SLC35G2: variants seen among roughly 807,000 people sequenced by gnomAD.
SLC35G2 encodes transmembrane protein 22.
SLC35G2 carries 20 observed loss-of-function variants against 27.2 expected under a neutral mutation model. The ratio of observed to expected loss-of-function variants is 0.74; its 90% CI spans 0.52 to 1.07. The LOEUF is 1.07. Ranked by LOEUF, SLC35G2 falls within the 50% of genes least tolerant of loss-of-function variation. The pLI is 0.00. For missense variants in SLC35G2, 416 were observed against 493.3 expected (o/e 0.84, Z 1.48); for synonymous variants, 148 against 165.3 (o/e 0.90, Z 0.80).
At chr3:136,822,216 T>A (rs1936474081) in intron 1 of SLC35G2, among the ~76,000 whole-genome samples, 2 of 152,318 alleles carry the variant, frequency 1.3e-5, no homozygotes, top group South Asian at 4.1e-4. Context: ...TCATTCTTTC[T>A]ACTTTTTGTA....
intron 1 of SLC35G2, among the ~76,000 whole-genome samples, chr3:136,827,512 G>C (rs1466801779): frequency 2.0e-5 from 3 of 152,114 alleles, no homozygotes; most frequent in Non-Finnish European, 4.4e-5. Flanking sequence ...GGTTTGGTTT[G>C]CTCTTGCTTT....
In SLC35G2 at chr3:136,821,608, T is replaced by C. The variant is rs565468125; in HGVS notation, c.-19+1980T>C. On this transcript the variant is annotated intron_variant, in intron 1 of 1. Transcript: ENST00000446465. The stretch of plus-strand genomic sequence containing the variant: ...CACCGCACCCAGCTAGTTTTTATAT[T>C]TTTAGTAGAGACAGGGTTTTACCAT... Among the ~76,000 whole-genome samples the C allele has an allele frequency of 1.9e-3, 282 of 152,278 alleles. 1 individual carries two copies. Among genetic ancestry groups the C allele is most frequent in the African/African-American group, 5.8e-3 (240 of 41,552 alleles).
chr3:136,830,100 ATTTCT>A (rs1936686764), intron 1 of SLC35G2, among the ~76,000 whole-genome samples: 2 of 115,254 alleles, frequency 1.7e-5, no homozygotes, highest in African/African-American at 6.5e-5. Context: ...GACATACATT[ATTTCT>A]TTTTTTTTTT....
chr3:136,845,742 C>T (rs752359225), intron 1 of SLC35G2, among the ~76,000 whole-genome samples: 23 of 151,568 alleles, frequency 1.5e-4, no homozygotes, highest in East Asian at 1.9e-4. Context: ...ACTATAGGTG[C>T]GCGCCATCAC....
chr3:136,853,118 CAG>C (rs1403500210), intron 1 of SLC35G2, among the ~76,000 whole-genome samples: 4 of 151,774 alleles, frequency 2.6e-5, no homozygotes, highest in Non-Finnish European at 5.9e-5. Flanking sequence ...TGTTTTGAGA[CAG>C]AGTCTCGCTC....
chr3:136,851,221 G>A (rs1271409724), intron 1 of SLC35G2, among the ~76,000 whole-genome samples: 4 of 151,998 alleles, frequency 2.6e-5, no homozygotes, highest in African/African-American at 9.7e-5. Flanking sequence ...TTGGCCGGGC[G>A]CGGTGGCTCA....
In SLC35G2 at chr3:136,834,494, TAA is replaced by T. The variant is rs147523866; in HGVS notation, c.-19+14867_-19+14868del. 3.9e-3 allele frequency among the ~76,000 whole-genome samples: 590 copies of T among 152,270 alleles called. 2 individuals are homozygous for T. The highest frequency in any genetic ancestry group is 0.027 in the Middle Eastern group (8 of 292). On this transcript the variant is annotated intron_variant, in intron 1 of 1. Coordinates refer to ENST00000446465, the MANE Select transcript of SLC35G2 (RefSeq NM_025246.3). ...ATAGGCACCTGCCACCACACCCAGC[TAA>T]GTTTTGTATTTTTAGTAGAGGAGGA...
chr3:136,833,085 A>G (rs1384355689), intron 1 of SLC35G2, among the ~76,000 whole-genome samples: 1 of 151,162 alleles, frequency 6.6e-6, no homozygotes, highest in Non-Finnish European at 1.5e-5. Context: ...AAAAAAAAAA[A>G]AAAAGAATAA....
chr3:136,855,423 C>T lies in SLC35G2; in HGVS notation c.963C>T (p.Leu321=). 1 of 1,614,152 alleles carries T rather than the reference C, an allele frequency of 6.2e-7. No homozygotes were observed. The highest frequency in any genetic ancestry group is 2.2e-5 in the East Asian group (1 of 44,884). ...TAGATGGAGAAACCTGGAGTTATCT[C>T]ATTGCTATATGTGTCTGTTCTACTG... is the stretch of plus-strand genomic sequence containing the variant. ...IPLDGETWSY[L]IAICVCSTAA... is the part of the protein sequence containing the mutation. Residue 321 remains leucine, a synonymous_variant, in exon 2 of 2, where the codon CTC becomes CTT. Coordinates refer to ENST00000446465, the MANE Select transcript of SLC35G2 (RefSeq NM_025246.3).
chr3:136,847,617 G>C (rs535669798), intron 1 of SLC35G2, among the ~76,000 whole-genome samples: 1 of 151,808 alleles, frequency 6.6e-6, no homozygotes, highest in South Asian at 2.1e-4. Flanking sequence ...ATGTTCTTGT[G>C]GGGGCTGGAT....
At position 136,855,203 on chromosome 3, in the gene SLC35G2, T is replaced by C. The variant is rs751971697; in HGVS notation, c.743T>C (p.Leu248Ser). 1.2e-6 allele frequency: 2 copies of C among 1,614,224 alleles called. No individual in the cohort carries two copies. Among genetic ancestry groups the C allele is most frequent in the Admixed American group, 1.7e-5 (1 of 60,032 alleles). Reference sequence around the variant, plus strand: ...AACATTGTTGATGAAGACAATTCTTTGTTAAATGCCTGGAAAGAAGCCTTT... The same window carrying C: ...AACATTGTTGATGAAGACAATTCTTCGTTAAATGCCTGGAAAGAAGCCTTT... The part of the protein sequence containing the change: ...IPNIVDEDNS[L>S]LNAWKEAFGY... Residue 248 changes from leucine (L) to serine (S), a missense_variant, in exon 2 of 2, where the codon TTG becomes TCG. Leu to Ser is a moderately radical substitution (Grantham distance 145). Coordinates refer to ENST00000446465, the MANE Select transcript of SLC35G2 (RefSeq NM_025246.3).
chr3:136,830,156 T>G (rs923246483), intron 1 of SLC35G2, among the ~76,000 whole-genome samples: 1 of 135,864 alleles, frequency 7.4e-6, no homozygotes, highest in African/African-American at 2.7e-5. Flanking sequence ...GTCACCAGGC[T>G]GGGGTGCAGT....
chr3:136,836,369 C>G (rs1237840715), intron 1 of SLC35G2, among the ~76,000 whole-genome samples: 1 of 151,608 alleles, frequency 6.6e-6, no homozygotes, highest in Non-Finnish European at 1.5e-5. Context: ...CTCCTGACCT[C>G]ACAGGCCACC....
chr3:136,847,273 A>G (rs1937426480), intron 1 of SLC35G2, among the ~76,000 whole-genome samples: 1 of 152,200 alleles, frequency 6.6e-6, no homozygotes, highest in Non-Finnish European at 1.5e-5. Flanking sequence ...AGAGCTGCCT[A>G]CTAGGCAAGA....
At position 136,854,760 on chromosome 3, in the gene SLC35G2, A is replaced by C. The variant is rs373601350; in HGVS notation, c.300A>C (p.Gln100His). 1.2e-6 allele frequency: 2 copies of C among 1,614,166 alleles called. No individual in the cohort carries two copies. Among genetic ancestry groups the C allele is most frequent in the Non-Finnish European group, 1.7e-6 (2 of 1,180,014 alleles). ...GCTTTGCAGAAAAAAACATTTTTCA[A>C]TCCCGAAAAATGTGGATAGTGCTGT... ...FQSFAEKNIFQSRKMWIVLFG... is the reference protein window; with the variant it reads ...FQSFAEKNIFHSRKMWIVLFG... The change falls in exon 2 of 2, where the codon CAA becomes CAC. Residue 100 changes from glutamine (Q) to histidine (H), a missense_variant. Gln to His is a conservative substitution (Grantham distance 24, BLOSUM62 0). Transcript: ENST00000446465.
intron 1 of SLC35G2, among the ~76,000 whole-genome samples, chr3:136,831,506 C>T (rs1212217251): frequency 3.3e-5 from 5 of 152,134 alleles, no homozygotes; most frequent in African/African-American, 1.2e-4. Flanking sequence ...ACATAGGCAC[C>T]TCACAATGAT....
At chr3:136,845,893 C>T (rs759091931) in intron 1 of SLC35G2, among the ~76,000 whole-genome samples, 9 of 146,652 alleles carry the variant, frequency 6.1e-5, no homozygotes, top group Non-Finnish European at 1.5e-5. Context: ...CGCACCCGGC[C>T]GTAAAAAAAA....
At chr3:136,824,879 C>T (rs1936546309) in intron 1 of SLC35G2, among the ~76,000 whole-genome samples, 1 of 152,096 alleles carries the variant, frequency 6.6e-6, no homozygotes, top group Non-Finnish European at 1.5e-5. Context: ...AGATATTTCT[C>T]CTAATGTTAT....
chr3:136,848,865 A>G (rs1217278474), intron 1 of SLC35G2, among the ~76,000 whole-genome samples: 3 of 152,150 alleles, frequency 2.0e-5, no homozygotes, highest in Non-Finnish European at 4.4e-5. Context: ...ATACACCAGA[A>G]TCCTAAACCT....
Sources: allele counts gnomAD v4.1 joint callset (sites outside exome capture counted in the v4.1 genomes callset), GRCh38; gene constraint gnomAD v4.1.1; transcripts MANE v1.5; gene names NCBI Gene and HGNC (gene_info 2026-07-23, HGNC 2026-07-21).